NGEF: variants seen among roughly 807,000 people sequenced by gnomAD.
NGEF encodes ephexin-1.
A neutral mutation model predicts 80.9 loss-of-function variants in NGEF; 31 were observed. The observed-to-expected ratio is 0.38, with a 90% CI of 0.29 to 0.52. The LOEUF (loss-of-function observed/expected upper bound fraction) is 0.52, where lower values mean the gene tolerates loss of function less well. Ranked by LOEUF, NGEF falls within the 20% of genes least tolerant of loss-of-function variation. The probability of loss-of-function intolerance (pLI) is 0.84; values close to 1 mark genes in which losing one functional copy is unlikely to be tolerated. For synonymous variants in NGEF, 371 were observed against 370.2 expected, an observed-to-expected ratio of 1.00 and a Z score of -0.03; for missense variants, 709 against 926.2, an observed-to-expected ratio of 0.77 and a Z score of 3.04.
At chr2:232,993,193 T>C (rs1239555732) in intron 1 of NGEF, among the ~76,000 whole-genome samples, 3 of 134,786 alleles carry the variant, frequency 2.2e-5, no homozygotes, top group Admixed American at 8.2e-5. Context: ...TATATATATT[T>C]ATTTATATAT....
rs115623957 is a variant in NGEF, at chr2:232,968,387, C to T, written c.383+1827G>A. Among the ~76,000 whole-genome samples the T allele has an allele frequency of 2.8e-3, 416 of 150,558 alleles. 3 individuals are homozygous for T. Among genetic ancestry groups the T allele is most frequent in the African/African-American group, 9.9e-3 (404 of 40,824 alleles). The stretch of plus-strand genomic sequence containing the variant: ...ACAGGAGTGAGCCACTGCACCTGGC[C>T]CAGACCTGGCTTTTATTTTATTTTA... On this transcript the variant is annotated intron_variant, in intron 3 of 14. Transcript: ENST00000264051.
chr2:232,921,555 G>C (rs1477221955), intron 4 of NGEF, among the ~76,000 whole-genome samples: 1 of 151,922 alleles, frequency 6.6e-6, no homozygotes, highest in African/African-American at 2.4e-5. Flanking sequence ...GGGCTCCAGT[G>C]ATTCCCCTGC....
At chr2:232,908,992 G>A (rs1692637325) in intron 5 of NGEF, among the ~76,000 whole-genome samples, 1 of 152,064 alleles carries the variant, frequency 6.6e-6, no homozygotes, top group Non-Finnish European at 1.5e-5. Flanking sequence ...ATTCTCTCGG[G>A]TTTTTTAAGT....
At chr2:232,899,814 TCACTC>T (rs1692232868) in intron 5 of NGEF, among the ~76,000 whole-genome samples, 1 of 104,572 alleles carries the variant, frequency 9.6e-6, no homozygotes, top group African/African-American at 4.1e-5. Context: ...ACGCTCTCAG[TCACTC>T]ATATACACGT....
intron 3 of NGEF, among the ~76,000 whole-genome samples, chr2:232,955,081 C>T (rs1693793276): frequency 6.6e-6 from 1 of 152,200 alleles, no homozygotes. Context: ...AAATAACCTG[C>T]CTAAGGTCAA....
intron 3 of NGEF, among the ~76,000 whole-genome samples, chr2:232,967,618 A>G (rs945342272): frequency 3.3e-5 from 5 of 152,080 alleles, no homozygotes; most frequent in African/African-American, 1.2e-4. Flanking sequence ...CTTTTCTTGT[A>G]AGTTACCCAG....
rs575475705 is a variant in NGEF, at chr2:232,890,683, A to G, written c.1272+675T>C. ...TTCTCTCAGCAAGTCACTGATTTCAATTCCCTGACATCCCTGCCGGGCCCC... is the reference window on the plus strand; with the variant it reads ...TTCTCTCAGCAAGTCACTGATTTCAGTTCCCTGACATCCCTGCCGGGCCCC... On this transcript the variant is annotated intron_variant, in intron 8 of 14. Transcript: ENST00000264051. 5.4e-4 allele frequency among the ~76,000 whole-genome samples: 82 copies of G among 152,068 alleles called. 1 individual carries two copies. Among genetic ancestry groups the G allele is most frequent in the Non-Finnish European group, 8.8e-4 (60 of 67,968 alleles).
intron 5 of NGEF, among the ~76,000 whole-genome samples, chr2:232,906,341 A>G (rs1575008137): frequency 1.1e-4 from 3 of 26,696 alleles, no homozygotes; most frequent in East Asian, 1.2e-3. Context: ...TGTGGGAGGG[A>G]GGTGGGGGGG....
At chr2:233,012,093 G>A (rs1695219771) in intron 1 of NGEF, among the ~76,000 whole-genome samples, 1 of 152,042 alleles carries the variant, frequency 6.6e-6, no homozygotes, top group Non-Finnish European at 1.5e-5. Context: ...GAGAGAGAGA[G>A]AAAGAGAGAA....
At chr2:232,880,833 G>T (rs1279451818) in intron 14 of NGEF, among the ~76,000 whole-genome samples, 1 of 141,984 alleles carries the variant, frequency 7.0e-6, no homozygotes, top group African/African-American at 2.6e-5. Flanking sequence ...TGTGATGGGG[G>T]TGCTGAGGCC....
At chr2:232,924,287 C>T (rs1083517) in intron 4 of NGEF, among the ~76,000 whole-genome samples, 66,003 of 151,890 alleles carry the variant, frequency 0.43, 14,444 homozygotes, top group Admixed American at 0.46. Context: ...GGAAGGCAGC[C>T]GCCTGGCCCC....
intron 1 of NGEF, among the ~76,000 whole-genome samples, chr2:233,000,593 T>TA (rs1199229237): frequency 1.3e-3 from 193 of 151,490 alleles, no homozygotes; most frequent in African/African-American, 4.5e-3. Context: ...CCGTCTCTAG[T>TA]AAAAAAAATA....
In NGEF at chr2:232,892,913, G is replaced by A. The variant is rs1691928194; in HGVS notation, c.1127C>T (p.Thr376Ile). 4 of 1,613,220 alleles carry A rather than the reference G, an allele frequency of 2.5e-6. No individual in the cohort carries two copies. Among genetic ancestry groups the A allele is most frequent in the Non-Finnish European group, 3.4e-6 (4 of 1,179,866 alleles). Residue 376 changes from threonine (T) to isoleucine (I), a missense_variant, in exon 7 of 15, where the codon ACC becomes ATC. Coordinates refer to ENST00000264051, the MANE Select transcript of NGEF (RefSeq NM_019850.3). The surrounding 1 kb of genome is among the most constrained non-coding windows in gnomAD (Gnocchi z 4.0). ...YVSNQTYQER[T>I]YKQLLQEKAA... ...ATACACTCACAGCAGCTGCTTATAGGTCCGCTCCTGGTAGGTCTGATTGCT... is the reference window on the plus strand; with the variant it reads ...ATACACTCACAGCAGCTGCTTATAGATCCGCTCCTGGTAGGTCTGATTGCT...
chr2:232,984,893 T>C (rs563753902), intron 1 of NGEF, among the ~76,000 whole-genome samples: 55 of 152,332 alleles, frequency 3.6e-4, no homozygotes, highest in Non-Finnish European at 6.6e-4. Context: ...GATTTGGAGA[T>C]CTGCCTATCT....
At chr2:232,928,227 CG>C in intron 3 of NGEF, 7 of 919,152 alleles carry the variant, frequency 7.6e-6, no homozygotes, top group Non-Finnish European at 9.0e-6. Context: ...GCGCGCGCGG[CG>C]GGGGCGAGGC....
chr2:232,879,440 T>C lies in NGEF; in HGVS notation c.*49A>G, dbSNP rs777396608. 2.3e-5 allele frequency: 26 copies of C among 1,123,458 alleles called. No homozygotes were observed. The highest frequency in any genetic ancestry group is 3.2e-5 in the African/African-American group (2 of 63,018). 69.6% of individuals were successfully genotyped at this position (1,123,458 alleles called of 1,614,324 possible). Reference sequence around the variant, plus strand: ...CCAGAGCCCCCCCCCCCCCACCTTCTGTCGGGGTCTCATGCAGGCCCTGCT... The same window carrying C: ...CCAGAGCCCCCCCCCCCCCACCTTCCGTCGGGGTCTCATGCAGGCCCTGCT... On this transcript the variant is annotated 3_prime_UTR_variant, in exon 15 of 15. Transcript: ENST00000264051.
At chr2:232,894,551 C>T (rs527446222) in intron 6 of NGEF, 43 of 454,200 alleles carry the variant, frequency 9.5e-5, no homozygotes, top group Non-Finnish European at 1.4e-4. Flanking sequence ...TGGGAAGGGA[C>T]GCCGGGGGAC....
intron 3 of NGEF, among the ~76,000 whole-genome samples, chr2:232,967,108 C>T (rs2106318270): frequency 6.6e-6 from 1 of 152,218 alleles, no homozygotes. Context: ...TCCCTCATGT[C>T]TCTGTGCTGT....
At chr2:232,891,038 A>G in intron 8 of NGEF, 1 of 504,308 alleles carries the variant, frequency 2.0e-6, no homozygotes, top group Non-Finnish European at 4.0e-6. Flanking sequence ...CTCAGCTTAC[A>G]CGTCACGTGT....
Sources: gnomAD v4.1 joint callset for allele counts (sites outside exome capture counted in the v4.1 genomes callset) on GRCh38, gnomAD v4.1.1 for gene constraint, Gnocchi (gnomAD v3.1) non-coding constraint, MANE v1.5 for transcripts, NCBI Gene and HGNC (gene_info 2026-07-23, HGNC 2026-07-21) for gene names.